Variants in BCAS3 observed in about 807,000 individuals in gnomAD.
BCAS3 encodes the protein BCAS4/BCAS3 fusion.
BCAS3 carries 53 observed loss-of-function variants against 116.1 expected under a neutral mutation model. The ratio of observed to expected loss-of-function variants is 0.46; its 90% CI spans 0.37 to 0.57. The LOEUF (loss-of-function observed/expected upper bound fraction) is 0.57. Ranked by LOEUF, BCAS3 falls within the 20% of genes least tolerant of loss-of-function variation. The pLI is 0.00. For missense variants in BCAS3, 917 were observed against 1,165.4 expected, an observed-to-expected ratio of 0.79 and a Z score of 3.10; for synonymous variants, 391 against 408.2, an observed-to-expected ratio of 0.96 and a Z score of 0.51.
chr17:60,681,494 T>TC (rs2033102440), intron 2 of BCAS3, among the ~76,000 whole-genome samples: 1 of 151,292 alleles, frequency 6.6e-6, no homozygotes, highest in Non-Finnish European at 1.5e-5. Flanking sequence ...GAGCAAGACT[T>TC]CATTTCCAAA....
chr17:61,168,601 C>CA (rs1183875333), intron 22 of BCAS3, among the ~76,000 whole-genome samples: 3 of 152,066 alleles, frequency 2.0e-5, no homozygotes, highest in Non-Finnish European at 4.4e-5. Context: ...AATGGTAGAT[C>CA]AAAAAATGTA....
At chr17:60,759,459 G>T (rs2043301669) in intron 6 of BCAS3, among the ~76,000 whole-genome samples, 1 of 152,142 alleles carries the variant, frequency 6.6e-6, no homozygotes, top group Non-Finnish European at 1.5e-5. Flanking sequence ...GTTTAATGCT[G>T]AGAGTGGGGA....
intron 3 of BCAS3, 129 bp downstream of exon 3, chr17:60,684,165 C>T (rs779212914): frequency 6.5e-6 from 5 of 773,580 alleles, no homozygotes; most frequent in South Asian, 3.3e-5. Flanking sequence ...CCTGAGCATT[C>T]GTAGGGTGGG....
rs569168766 is a variant in BCAS3 at position 61,342,984 on chromosome 17, T to G, written c.2426-25343T>G. ...CCAGGCTGGTCTTGAACTCCTAATC[T>G]CAGATGATCCACCCACCTCGGCCTC... On this transcript the variant is annotated intron_variant, in intron 22 of 23. Transcript: ENST00000407086. Among the ~76,000 whole-genome samples, 10 of 152,158 alleles carry G rather than the reference T, an allele frequency of 6.6e-5. 1 individual carries two copies. The South Asian group carries it at 1.7e-3, about 25-fold the overall frequency.
At chr17:60,878,287 G>A (rs1484921761) in intron 9 of BCAS3, among the ~76,000 whole-genome samples, 4 of 152,086 alleles carry the variant, frequency 2.6e-5, no homozygotes, top group Admixed American at 1.3e-4. Context: ...TGGAATTACA[G>A]GCATGAGCCT....
rs559704724 is a variant in BCAS3 at position 61,201,920 on chromosome 17, G to A, written c.2425+117356G>A. 5.3e-4 allele frequency among the ~76,000 whole-genome samples: 81 copies of A among 151,420 alleles called. No homozygotes were observed. In the Middle Eastern group the frequency reaches 0.01, roughly 20 times the overall value. ...ATTACGGGAATGTGACACCACGCTC[G>A]GCTAGTTTTTGTTATTTTTAGTAGA... On this transcript the variant is annotated intron_variant, in intron 22 of 23. Coordinates refer to ENST00000407086, the MANE Select transcript of BCAS3 (RefSeq NM_017679.5).
chr17:61,353,495 A>G (rs1299070536), intron 22 of BCAS3: 1 of 152,280 alleles, frequency 6.6e-6, no homozygotes, highest in Non-Finnish European at 1.5e-5. Flanking sequence ...GGGGTTCTCC[A>G]GTCTAAGTTC....
chr17:61,253,309 T>C (rs890591837), intron 22 of BCAS3, among the ~76,000 whole-genome samples: 6 of 150,996 alleles, frequency 4.0e-5, no homozygotes, highest in African/African-American at 1.5e-4. Context: ...TCCCAACACT[T>C]TGGGAGGCCG....
intron 6 of BCAS3, among the ~76,000 whole-genome samples, chr17:60,772,744 G>A (rs575593334): frequency 6.6e-6 from 1 of 152,262 alleles, no homozygotes; most frequent in African/African-American, 2.4e-5. Context: ...ACTGGGTGTG[G>A]TGGTGTGTGT....
chr17:61,030,237 C>A (rs2066535115), intron 16 of BCAS3, among the ~76,000 whole-genome samples: 1 of 152,094 alleles, frequency 6.6e-6, no homozygotes, highest in Admixed American at 6.6e-5. Flanking sequence ...CATGTTAGCG[C>A]CTTCCATGCT....
intron 19 of BCAS3, among the ~76,000 whole-genome samples, chr17:61,044,262 A>G (rs1322659039): frequency 1.3e-5 from 2 of 151,610 alleles, no homozygotes; most frequent in African/African-American, 2.4e-5. Context: ...CCTGGCTAAC[A>G]CGGTGAAACA....
chr17:61,311,839 G>A (rs1974591), intron 22 of BCAS3, among the ~76,000 whole-genome samples: 40,831 of 151,890 alleles, frequency 0.27, 7,545 homozygotes, highest in African/African-American at 0.53. Context: ...GGTTGCAGTG[G>A]GTTGAGATCA....
rs2081427358 is a variant in BCAS3 at position 61,211,024 on chromosome 17, G to A, written c.2425+126460G>A. 6.6e-6 allele frequency among the ~76,000 whole-genome samples: 1 copy of A among 152,014 alleles called. No individual in the cohort carries two copies. Among genetic ancestry groups the A allele is most frequent in the Non-Finnish European group, 1.5e-5 (1 of 68,012 alleles). On this transcript the variant is annotated intron_variant, in intron 22 of 23. Coordinates refer to ENST00000407086, the MANE Select transcript of BCAS3 (RefSeq NM_017679.5). This position sits in a 1 kb window ranked among gnomAD's most constrained non-coding sequence, Gnocchi z 4.4. ...GAGCCAAAGGCTTCCCTAAGCTAGG[G>A]TCCCATAGTCTTCCCCAAGCTAGGG... is the stretch of plus-strand genomic sequence containing the variant.
chr17:61,191,132 A>AT (rs755601938), intron 22 of BCAS3, among the ~76,000 whole-genome samples: 2 of 152,020 alleles, frequency 1.3e-5, no homozygotes, highest in Non-Finnish European at 2.9e-5. Flanking sequence ...CAAAAAAATA[A>AT]TTTAAAAAAA....
At chr17:60,713,266 A>G (rs532469428) in intron 5 of BCAS3, among the ~76,000 whole-genome samples, 2 of 152,324 alleles carry the variant, frequency 1.3e-5, no homozygotes, top group South Asian at 4.1e-4. Flanking sequence ...CAGTGTTTTC[A>G]TTTGTAAAAG....
At chr17:60,745,963 T>C (rs2041980763) in intron 5 of BCAS3, among the ~76,000 whole-genome samples, 1 of 152,132 alleles carries the variant, frequency 6.6e-6, no homozygotes, top group African/African-American at 2.4e-5. Context: ...AAGAGAGCTC[T>C]GTAGATTTAT....
chr17:61,389,803 C>T (rs1436289964), intron 23 of BCAS3: 2 of 152,164 alleles, frequency 1.3e-5, no homozygotes, highest in Admixed American at 6.5e-5. Flanking sequence ...CACGAAGACT[C>T]ATTGGTGGGA....
At position 61,391,803 on chromosome 17, in the gene BCAS3, C is replaced by A. The variant is rs566455628; in HGVS notation, c.2594-174C>A. On this transcript the variant is annotated intron_variant, in intron 23 of 23. Transcript: ENST00000407086. The surrounding 1 kb of genome is among the most constrained non-coding windows in gnomAD (Gnocchi z 7.7). ...GGGGCTTTCCCTCCCCTGGCTGAGC[C>A]TTCCTGTGACCTGAGCTGCCCCCTG... 2 of 679,016 alleles carry A rather than the reference C, an allele frequency of 2.9e-6. No homozygotes were observed. The highest frequency in any genetic ancestry group is 2.5e-5 in the Admixed American group (1 of 39,472). The allele number at this position is 679,016 out of a possible 1,614,324, so 42.1% of individuals were successfully genotyped here.
At chr17:61,187,914 C>A (rs945095717) in intron 22 of BCAS3, among the ~76,000 whole-genome samples, 3 of 152,058 alleles carry the variant, frequency 2.0e-5, no homozygotes, top group African/African-American at 7.2e-5. Context: ...AGAATTTCTC[C>A]TTTCCAATCT....
Sources: allele counts gnomAD v4.1 joint callset (sites outside exome capture counted in the v4.1 genomes callset), GRCh38; gene constraint gnomAD v4.1.1; non-coding constraint Gnocchi (gnomAD v3.1); transcripts MANE v1.5; gene names NCBI Gene and HGNC (gene_info 2026-07-23, HGNC 2026-07-21).